The following GALNTL6 variants were observed in gnomAD, a reference collection of about 807,000 sequenced individuals.
GALNTL6 encodes the protein polypeptide N-acetylgalactosaminyltransferase-like 6.
A neutral mutation model predicts 73.7 loss-of-function variants in GALNTL6; 46 were observed. That is an observed-to-expected ratio of 0.62 (90% CI 0.49 to 0.80). The LOEUF (loss-of-function observed/expected upper bound fraction) is 0.80. Ranked by LOEUF, GALNTL6 falls within the 30% of genes least tolerant of loss-of-function variation. The pLI, the probability that GALNTL6 is intolerant of heterozygous loss-of-function variation, is 0.00. For synonymous variants in GALNTL6, 259 were observed against 263.7 expected, an observed-to-expected ratio of 0.98 and a Z score of 0.17; for missense variants, 604 against 755.0, an observed-to-expected ratio of 0.80 and a Z score of 2.34.
chr4:172,618,743 G>C (rs573654089), intron 5 of GALNTL6, among the ~76,000 whole-genome samples: 48 of 151,598 alleles, frequency 3.2e-4, no homozygotes, highest in African/African-American at 1.1e-3. Context: ...TTCTTTTTTT[G>C]AGAGGGAGTC....
intron 2 of GALNTL6, among the ~76,000 whole-genome samples, chr4:171,979,849 T>C (rs370280336): frequency 6.6e-6 from 1 of 152,034 alleles, no homozygotes; most frequent in African/African-American, 2.4e-5. Context: ...CCAGCATAAA[T>C]ACTATCTTTG....
intron 2 of GALNTL6, among the ~76,000 whole-genome samples, chr4:171,849,388 G>T (rs547539904): frequency 4.6e-5 from 7 of 152,258 alleles, no homozygotes; most frequent in African/African-American, 1.4e-4. Context: ...AATAATAATA[G>T]GAAGTGCTTT....
At position 171,962,701 on chromosome 4, in the gene GALNTL6, T is replaced by C. The variant is rs190037217; in HGVS notation, c.138+147983T>C. Among the ~76,000 whole-genome samples the C allele has an allele frequency of 5.5e-3, 841 of 151,920 alleles. 5 individuals carry two copies. The highest frequency in any genetic ancestry group is 0.019 in the African/African-American group (784 of 41,400). The stretch of plus-strand genomic sequence containing the variant: ...AAAAATAGCCAAACAGCAGCCCTTG[T>C]AGCTGCATTGCGTATGGAGTAGCCA... On this transcript the variant is annotated intron_variant, in intron 2 of 12. Coordinates refer to ENST00000506823, the MANE Select transcript of GALNTL6 (RefSeq NM_001034845.3).
chr4:172,733,699 C>T (rs1736284915), intron 5 of GALNTL6, among the ~76,000 whole-genome samples: 1 of 152,202 alleles, frequency 6.6e-6, no homozygotes, highest in Non-Finnish European at 1.5e-5. Context: ...TAAGATGTGC[C>T]TTTGCTCCTC....
intron 10 of GALNTL6, among the ~76,000 whole-genome samples, chr4:172,968,246 C>A (rs1750421752): frequency 6.6e-6 from 1 of 152,106 alleles, no homozygotes; most frequent in Admixed American, 6.5e-5. Context: ...GCTACTTCTC[C>A]AAGAAGAGTA....
At chr4:172,437,159 T>C (rs771016091) in intron 5 of GALNTL6, among the ~76,000 whole-genome samples, 1 of 152,158 alleles carries the variant, frequency 6.6e-6, no homozygotes, top group Non-Finnish European at 1.5e-5. Context: ...ATATTACCTA[T>C]ACTTATGCTT....
chr4:171,980,872 G>A (rs978281438), intron 2 of GALNTL6, among the ~76,000 whole-genome samples: 1 of 152,150 alleles, frequency 6.6e-6, no homozygotes, highest in African/African-American at 2.4e-5. Context: ...TTATTGCCAA[G>A]CAATATGAAT....
intron 5 of GALNTL6, among the ~76,000 whole-genome samples, chr4:172,514,985 C>A (rs1734553582): frequency 6.6e-6 from 1 of 152,188 alleles, no homozygotes; most frequent in African/African-American, 2.4e-5. Context: ...CAAACCACTT[C>A]TTTCAAAGGG....
intron 2 of GALNTL6, among the ~76,000 whole-genome samples, chr4:172,044,458 A>T (rs1432849061): frequency 3.9e-5 from 6 of 151,908 alleles, no homozygotes; most frequent in Non-Finnish European, 7.4e-5. Context: ...ATTCTAGCTT[A>T]CCCCGAGAAT....
chr4:172,346,251 T>C (rs1741735901), intron 4 of GALNTL6, among the ~76,000 whole-genome samples: 1 of 152,260 alleles, frequency 6.6e-6, no homozygotes, highest in African/African-American at 2.4e-5. Context: ...GTATATGATA[T>C]ATGAAAGCTA....
intron 10 of GALNTL6, among the ~76,000 whole-genome samples, chr4:172,958,480 C>G (rs555065890): frequency 3.9e-5 from 6 of 152,196 alleles, no homozygotes; most frequent in Admixed American, 3.3e-4. Flanking sequence ...GTGGGGTCAG[C>G]TAGGTTTCCT....
At chr4:172,220,957 A>G (rs909443451) in intron 2 of GALNTL6, among the ~76,000 whole-genome samples, 1 of 151,888 alleles carries the variant, frequency 6.6e-6, no homozygotes, top group South Asian at 2.1e-4. Flanking sequence ...GGCATATTTT[A>G]GGAATATGAA....
chr4:172,775,444 C>G (rs917082336), intron 5 of GALNTL6, among the ~76,000 whole-genome samples: 1 of 152,214 alleles, frequency 6.6e-6, no homozygotes, highest in African/African-American at 2.4e-5. Context: ...CATTGCTAAG[C>G]ACAAACGTGG....
chr4:173,016,802 C>T (rs1034456321), intron 11 of GALNTL6, among the ~76,000 whole-genome samples: 11 of 152,136 alleles, frequency 7.2e-5, no homozygotes, highest in Non-Finnish European at 1.6e-4. Context: ...AATGTGAGGA[C>T]ATGAGATTTG....
intron 10 of GALNTL6, among the ~76,000 whole-genome samples, chr4:172,976,743 A>T (rs1750829116): frequency 6.6e-6 from 1 of 152,238 alleles, no homozygotes; most frequent in South Asian, 2.1e-4. Context: ...AGTTTGAGAG[A>T]CAGCAGCCTA....
chr4:171,829,989 T>A (rs2110822182), intron 2 of GALNTL6, among the ~76,000 whole-genome samples: 1 of 151,962 alleles, frequency 6.6e-6, no homozygotes, highest in South Asian at 2.1e-4. Flanking sequence ...ACTGGGGAAT[T>A]TGATGGACAG....
chr4:172,539,352 G>T (rs1032511456), intron 5 of GALNTL6, among the ~76,000 whole-genome samples: 2 of 152,204 alleles, frequency 1.3e-5, no homozygotes, highest in Non-Finnish European at 2.9e-5. Flanking sequence ...ATAAACTATT[G>T]TTACCAGGCA....
intron 5 of GALNTL6, among the ~76,000 whole-genome samples, chr4:172,356,444 A>T (rs1309697971): frequency 6.6e-6 from 1 of 151,428 alleles, no homozygotes; most frequent in Non-Finnish European, 1.5e-5. Context: ...AAAAAAAATC[A>T]TTGCATCTAC....
intron 5 of GALNTL6, among the ~76,000 whole-genome samples, chr4:172,365,645 T>C (rs1047949938): frequency 6.6e-6 from 1 of 151,962 alleles, no homozygotes; most frequent in Admixed American, 6.6e-5. Flanking sequence ...TTGCCTTGCT[T>C]ATCTCCAGAG....
Sources: gnomAD v4.1 joint callset for allele counts (sites outside exome capture counted in the v4.1 genomes callset) on GRCh38, gnomAD v4.1.1 for gene constraint, MANE v1.5 for transcripts, NCBI Gene and HGNC (gene_info 2026-07-23, HGNC 2026-07-21) for gene names.